The following ADGRL3 variants were observed in gnomAD, a reference collection of about 807,000 sequenced individuals.
The protein encoded by ADGRL3 is calcium-independent alpha-latrotoxin receptor 3.
A neutral mutation model predicts 153.5 loss-of-function variants in ADGRL3; 62 were observed. The ratio of observed to expected loss-of-function variants is 0.40; its 90% CI spans 0.33 to 0.50. The LOEUF (loss-of-function observed/expected upper bound fraction) is 0.50, where lower values mean the gene tolerates loss of function less well. ADGRL3 is among the 20% of genes least tolerant of loss of function. ADGRL3 has a pLI of 0.47. For missense variants in ADGRL3, 1,641 were observed against 1,859.4 expected (o/e 0.88, Z 2.16); for synonymous variants, 710 against 672.5 (o/e 1.06, Z -0.86).
rs141918427 is a variant in ADGRL3, at chr4:61,577,823, AG to A, written c.260-9403del. ...GTGGGAGCTTGTCTCTTAAAAAAAA[AG>A]AAAAAAAAAGGGTAATGACCAAATT... On this transcript the variant is annotated intron_variant, in intron 4 of 26. Transcript: ENST00000683033. Among the ~76,000 whole-genome samples, 250 of 98,062 alleles carry A rather than the reference AG, an allele frequency of 2.5e-3. 1 individual carries two copies. The highest frequency in any genetic ancestry group is 7.4e-3 in the African/African-American group (195 of 26,436). The allele number at this position is 98,062 out of a possible 152,430, so 64.3% of individuals were successfully genotyped here.
At chr4:61,217,542 C>T (rs535518114) in intron 1 of ADGRL3, among the ~76,000 whole-genome samples, 11 of 152,190 alleles carry the variant, frequency 7.2e-5, no homozygotes, top group East Asian at 1.9e-4. Flanking sequence ...AGTGAGTTAA[C>T]GTAGAGAATG....
intron 2 of ADGRL3, among the ~76,000 whole-genome samples, chr4:61,429,161 T>C (rs1467603906): frequency 6.6e-6 from 1 of 152,156 alleles, no homozygotes; most frequent in Admixed American, 6.5e-5. Flanking sequence ...ATCACAGTAT[T>C]GTTTGAGAAC....
chr4:61,766,360 G>C (rs570088787), intron 8 of ADGRL3, among the ~76,000 whole-genome samples: 4 of 152,116 alleles, frequency 2.6e-5, no homozygotes, highest in Non-Finnish European at 5.9e-5. Flanking sequence ...GCCTCTAAAA[G>C]TATTAATGCA....
At chr4:61,748,121 G>T (rs1302241779) in intron 8 of ADGRL3, among the ~76,000 whole-genome samples, 1 of 151,402 alleles carries the variant, frequency 6.6e-6, no homozygotes, top group East Asian at 2.0e-4. Context: ...GCTTCAAAGA[G>T]AATAAAATAC....
chr4:61,999,590 T>C (rs2151080220), intron 21 of ADGRL3, among the ~76,000 whole-genome samples: 1 of 152,352 alleles, frequency 6.6e-6, no homozygotes, highest in Admixed American at 6.5e-5. Flanking sequence ...TGAGGTAATC[T>C]GTGACTTTTC....
chr4:61,554,488 G>A (rs114643094), intron 4 of ADGRL3, among the ~76,000 whole-genome samples: 3,108 of 152,080 alleles, frequency 0.02, 102 homozygotes, highest in African/African-American at 0.07. Flanking sequence ...GAGCCACTGC[G>A]CCCGGCCTAG....
chr4:61,806,175 T>C (rs982415898), intron 8 of ADGRL3, among the ~76,000 whole-genome samples: 3 of 152,092 alleles, frequency 2.0e-5, no homozygotes, highest in Non-Finnish European at 2.9e-5. Context: ...CCAACCCTCG[T>C]GGAGTTTTAC....
chr4:61,429,883 T>C (rs2097334273), intron 2 of ADGRL3, among the ~76,000 whole-genome samples: 1 of 152,124 alleles, frequency 6.6e-6, no homozygotes, highest in Non-Finnish European at 1.5e-5. Flanking sequence ...CACACAGATG[T>C]CATAATAAAA....
chr4:62,024,705 C>T (rs548753197), intron 21 of ADGRL3, among the ~76,000 whole-genome samples: 4 of 151,812 alleles, frequency 2.6e-5, no homozygotes, highest in Middle Eastern at 3.2e-3. Context: ...CCGAGGCGGG[C>T]GGATCACAAG....
intron 2 of ADGRL3, among the ~76,000 whole-genome samples, chr4:61,462,618 CTAAG>C (rs1044180766): frequency 7.2e-5 from 11 of 152,148 alleles, no homozygotes; most frequent in African/African-American, 2.4e-4. Flanking sequence ...AATAAATTAT[CTAAG>C]TGTCAGTTAA....
At chr4:61,329,722 G>A (rs2095533875) in intron 1 of ADGRL3, among the ~76,000 whole-genome samples, 1 of 152,102 alleles carries the variant, frequency 6.6e-6, no homozygotes, top group Admixed American at 6.6e-5. Context: ...GTTTTGTGTT[G>A]TCTTTTTATG....
At chr4:61,360,500 A>G (rs1315363779) in intron 1 of ADGRL3, among the ~76,000 whole-genome samples, 1 of 152,174 alleles carries the variant, frequency 6.6e-6, no homozygotes, top group African/African-American at 2.4e-5. Context: ...CAAATTTAAA[A>G]AAATTCCGGC....
chr4:61,490,939 A>G (rs1452743310), intron 2 of ADGRL3, among the ~76,000 whole-genome samples: 2 of 152,172 alleles, frequency 1.3e-5, no homozygotes, highest in Non-Finnish European at 2.9e-5. Context: ...GACATTGTAA[A>G]TTATAGCTAA....
chr4:61,348,221 C>T (rs959382163), intron 1 of ADGRL3, among the ~76,000 whole-genome samples: 2 of 151,894 alleles, frequency 1.3e-5, no homozygotes, highest in African/African-American at 2.4e-5. Context: ...TTAATCAAAA[C>T]GATCATAATA....
In ADGRL3 at chr4:61,797,405, G is replaced by T. The variant is rs568885515; in HGVS notation, c.1400-16404G>T. Among the ~76,000 whole-genome samples the T allele has an allele frequency of 2.0e-5, 3 of 152,220 alleles. No homozygotes were observed. The East Asian group carries it at 5.8e-4, about 29-fold the overall frequency. On this transcript the variant is annotated intron_variant, in intron 8 of 26. Transcript: ENST00000683033. ...GGATTATATTTTCTCCGAACTTAACGCAAATTTTAGGCAGAGTATGGGGAA... is the reference window on the plus strand; with the variant it reads ...GGATTATATTTTCTCCGAACTTAACTCAAATTTTAGGCAGAGTATGGGGAA...
chr4:61,434,069 T>C (rs1228338175), intron 2 of ADGRL3, among the ~76,000 whole-genome samples: 3 of 152,122 alleles, frequency 2.0e-5, no homozygotes, highest in East Asian at 3.9e-4. Flanking sequence ...TTCAGTCTCC[T>C]TCACTGGAAT....
intron 1 of ADGRL3, among the ~76,000 whole-genome samples, chr4:61,223,822 A>G (rs1746723611): frequency 6.6e-6 from 1 of 152,220 alleles, no homozygotes; most frequent in African/African-American, 2.4e-5. Context: ...AAATTCTAAC[A>G]GATCCCAGAC....
chr4:61,374,393 T>G (rs2096578899), intron 1 of ADGRL3, among the ~76,000 whole-genome samples: 1 of 152,154 alleles, frequency 6.6e-6, no homozygotes, highest in African/African-American at 2.4e-5. Context: ...TCCATGAAGT[T>G]GAGTTGAATT....
chr4:61,299,427 T>C (rs1025357479), intron 1 of ADGRL3, among the ~76,000 whole-genome samples: 4 of 152,198 alleles, frequency 2.6e-5, no homozygotes, highest in African/African-American at 9.6e-5. Flanking sequence ...TTAATTTCTT[T>C]CTTATTCTAA....
Sources: gnomAD v4.1 joint callset for allele counts (sites outside exome capture counted in the v4.1 genomes callset) on GRCh38, gnomAD v4.1.1 for gene constraint, MANE v1.5 for transcripts, NCBI Gene and HGNC (gene_info 2026-07-23, HGNC 2026-07-21) for gene names.